AOPEP: variants seen among roughly 807,000 people sequenced by gnomAD.
The protein encoded by AOPEP is aminopeptidase O (putative), also known as aminopeptidase O.
A neutral mutation model predicts 98.1 loss-of-function variants in AOPEP; 77 were observed. That is an observed-to-expected ratio of 0.78 (90% CI 0.65 to 0.95). The LOEUF (loss-of-function observed/expected upper bound fraction) is 0.95, where lower values mean the gene tolerates loss of function less well. Ranked by LOEUF, AOPEP falls within the 40% of genes least tolerant of loss-of-function variation. The probability of loss-of-function intolerance (pLI) is 0.00; values close to 1 mark genes in which losing one functional copy is unlikely to be tolerated. For synonymous variants in AOPEP, 346 were observed against 365.3 expected, an observed-to-expected ratio of 0.95 and a Z score of 0.60; for missense variants, 1,024 against 1,024.7, an observed-to-expected ratio of 1.00 and a Z score of 0.01.
chr9:94,775,132 T>A (rs1841793009), intron 3 of AOPEP, among the ~76,000 whole-genome samples: 1 of 152,132 alleles, frequency 6.6e-6, no homozygotes, highest in African/African-American at 2.4e-5. Context: ...GAAGTTAAAT[T>A]TATTAGATTT....
At chr9:95,145,520 T>C in the AOPEP span, 1 of 152,142 alleles carries the variant, frequency 6.6e-6, no homozygotes, top group African/African-American at 2.4e-5. Flanking sequence ...TCCCTGCAAC[T>C]AGAAAAATTG....
intron 13 of AOPEP, among the ~76,000 whole-genome samples, chr9:95,016,335 C>T (rs139590665): frequency 1.9e-4 from 29 of 151,520 alleles, no homozygotes; most frequent in African/African-American, 5.8e-4. Context: ...GTCAGCCTCC[C>T]GGGTTCAAGC....
chr9:94,951,936 C>T (rs915742360), intron 7 of AOPEP, among the ~76,000 whole-genome samples: 3 of 152,228 alleles, frequency 2.0e-5, no homozygotes, highest in African/African-American at 4.8e-5. Flanking sequence ...GGAATCACAG[C>T]AGACATCTGC....
At chr9:94,971,583 T>G (rs960074647) in intron 10 of AOPEP, among the ~76,000 whole-genome samples, 3 of 152,162 alleles carry the variant, frequency 2.0e-5, no homozygotes, top group African/African-American at 7.2e-5. Context: ...GCACATCTGT[T>G]AGGCACGTGA....
chr9:95,102,716 C>T, the AOPEP span, among the ~76,000 whole-genome samples: 2 of 152,222 alleles, frequency 1.3e-5, no homozygotes, highest in South Asian at 2.1e-4. Flanking sequence ...GCCTCAGGTC[C>T]GACAGCCCAG....
At position 94,986,347 on chromosome 9, in the gene AOPEP, C is replaced by T. The variant is rs375713608; in HGVS notation, c.1977+6920C>T. Among the ~76,000 whole-genome samples the T allele has an allele frequency of 1.4e-4, 21 of 152,214 alleles. No homozygotes were observed. In the East Asian group the frequency reaches 1.9e-3, roughly 14 times the overall value. ...CCTAAAGGCCGTAACTCCAATAATA[C>T]AGTTGCATTGTGAGTTGTACTGGGG... On this transcript the variant is annotated intron_variant, in intron 11 of 16. Coordinates refer to ENST00000375315, the MANE Select transcript of AOPEP (RefSeq NM_001193329.3).
chr9:94,814,799 C>T (rs1433539094), intron 5 of AOPEP, among the ~76,000 whole-genome samples: 1 of 152,184 alleles, frequency 6.6e-6, no homozygotes, highest in Admixed American at 6.5e-5. Context: ...AAGGATTTTG[C>T]ACTGTCGGAC....
At chr9:95,111,879 G>T in the AOPEP span, among the ~76,000 whole-genome samples, 1 of 152,194 alleles carries the variant, frequency 6.6e-6, no homozygotes, top group African/African-American at 2.4e-5. Flanking sequence ...GGACATCGGA[G>T]TCTTTAATCC....
At chr9:94,797,830 G>A (rs1847351890) in intron 4 of AOPEP, among the ~76,000 whole-genome samples, 2 of 151,422 alleles carry the variant, frequency 1.3e-5, no homozygotes, top group South Asian at 4.2e-4. Flanking sequence ...AGTCTCCCAA[G>A]TAGCTGGGAT....
intron 5 of AOPEP, among the ~76,000 whole-genome samples, chr9:94,856,825 G>A (rs1239936684): frequency 1.3e-5 from 2 of 152,144 alleles, no homozygotes; most frequent in Admixed American, 6.5e-5. Flanking sequence ...ATTTAAGCTG[G>A]TAGACACACC....
chr9:95,110,603 C>T, the AOPEP span: 1 of 1,038,520 alleles, frequency 9.6e-7, no homozygotes, highest in African/African-American at 1.7e-5. Flanking sequence ...CTTTCCTATG[C>T]CATGCAAGCC....
rs3802449 is a variant in AOPEP, at chr9:95,083,973, A to T, written c.*4+1254A>T. ...TATGGGTTTCTACACTATTAAAGCA[A>T]CCTAGCGGTAGTACACAAGGTTTTG... is the stretch of plus-strand genomic sequence containing the variant. On this transcript the variant is annotated intron_variant, in intron 16 of 16. Coordinates refer to ENST00000375315, the MANE Select transcript of AOPEP (RefSeq NM_001193329.3). 3.8e-3 allele frequency among the ~76,000 whole-genome samples: 579 copies of T among 152,224 alleles called. 16 individuals carry two copies. The East Asian group carries it at 0.052, about 14-fold the overall frequency.
chr9:94,871,065 G>A (rs1011701516), intron 5 of AOPEP, among the ~76,000 whole-genome samples: 7 of 152,208 alleles, frequency 4.6e-5, no homozygotes, highest in African/African-American at 1.2e-4. Flanking sequence ...GGGCGCAGGC[G>A]CGACTCCCAG....
rs180698254 is a variant in AOPEP, at chr9:95,051,959, T to C, written c.2116-8735T>C. ...ACCTCGTGATCTGCCCACCTCGGCC[T>C]CCCAAAGTGCTGGGATTACAGGCGT... is the stretch of plus-strand genomic sequence containing the variant. On this transcript the variant is annotated intron_variant, in intron 13 of 16. Transcript: ENST00000375315. Among the ~76,000 whole-genome samples the C allele has an allele frequency of 6.9e-3, 1,052 of 152,322 alleles. 10 individuals are homozygous for C. The highest frequency in any genetic ancestry group is 0.024 in the African/African-American group (999 of 41,568).
At chr9:95,087,538 A>G (rs974890475), downstream of AOPEP, among the ~76,000 whole-genome samples, 1 of 80,122 alleles carries the variant, frequency 1.2e-5, no homozygotes, top group Non-Finnish European at 3.0e-5. Context: ...TATTCTCCAC[A>G]TTCTGGTGTT....
chr9:95,148,699 G>A, the AOPEP span, among the ~76,000 whole-genome samples: 2 of 152,168 alleles, frequency 1.3e-5, no homozygotes, highest in African/African-American at 4.8e-5. Flanking sequence ...AATGAACCAT[G>A]CATAATGCTA....
chr9:95,000,800 C>G (rs1482270633), intron 11 of AOPEP, among the ~76,000 whole-genome samples: 1 of 152,132 alleles, frequency 6.6e-6, no homozygotes, highest in Admixed American at 6.5e-5. Flanking sequence ...CTTAATCCAA[C>G]CTTGATTTTA....
At chr9:94,840,257 A>G (rs1588484451) in intron 5 of AOPEP, among the ~76,000 whole-genome samples, 1 of 152,324 alleles carries the variant, frequency 6.6e-6, no homozygotes, top group South Asian at 2.1e-4. Flanking sequence ...GACAGGATCT[A>G]TGATTTTTCT....
the AOPEP span, among the ~76,000 whole-genome samples, chr9:95,130,680 G>A: frequency 3.6e-3 from 550 of 152,292 alleles, 4 homozygotes; most frequent in African/African-American, 0.012. Flanking sequence ...GGACAATCCC[G>A]TCCCACCGTG....
Sources: allele counts gnomAD v4.1 joint callset (sites outside exome capture counted in the v4.1 genomes callset), GRCh38; gene constraint gnomAD v4.1.1; transcripts MANE v1.5; gene names NCBI Gene and HGNC (gene_info 2026-07-23, HGNC 2026-07-21).